Variants in MAP4K3 observed in about 807,000 individuals in gnomAD.
MAP4K3 encodes the protein mitogen-activated protein kinase kinase kinase kinase 3, also known as MAPK/ERK kinase kinase kinase 3.
A neutral mutation model predicts 143.5 loss-of-function variants in MAP4K3; 94 were observed. The observed-to-expected ratio is 0.65, with a 90% CI of 0.55 to 0.78. The LOEUF is 0.78. MAP4K3 is among the 30% of genes least tolerant of loss of function. The pLI is 0.00. For missense variants in MAP4K3, 1,077 were observed against 1,068.1 expected, an observed-to-expected ratio of 1.01 and a Z score of -0.12; for synonymous variants, 416 against 347.2, an observed-to-expected ratio of 1.20 and a Z score of -2.20.
chr2:39,399,005 T>C (rs1004155465), intron 1 of MAP4K3, among the ~76,000 whole-genome samples: 3 of 147,232 alleles, frequency 2.0e-5, no homozygotes, highest in African/African-American at 5.0e-5. Flanking sequence ...GATCATGCCA[T>C]TGCACTCCAG....
chr2:39,419,596 T>C (rs1484117887), intron 1 of MAP4K3, among the ~76,000 whole-genome samples: 1 of 152,190 alleles, frequency 6.6e-6, no homozygotes, highest in African/African-American at 2.4e-5. Context: ...TCAAACCTCA[T>C]GTGAACACAG....
intron 12 of MAP4K3, chr2:39,323,888 C>T (rs994437356): frequency 4.6e-5 from 7 of 152,062 alleles, no homozygotes; most frequent in African/African-American, 1.4e-4. Context: ...TCTACAATTA[C>T]AACTGACAGT....
At chr2:39,432,621 T>G (rs1665325220) in intron 1 of MAP4K3, among the ~76,000 whole-genome samples, 1 of 152,226 alleles carries the variant, frequency 6.6e-6, no homozygotes, top group African/African-American at 2.4e-5. Flanking sequence ...GTTTAAGAAT[T>G]GAGTTTTCCA....
chr2:39,376,033 T>C (rs1406631862), intron 2 of MAP4K3, among the ~76,000 whole-genome samples: 3 of 152,042 alleles, frequency 2.0e-5, no homozygotes, highest in East Asian at 1.9e-4. Flanking sequence ...ACTATAAACA[T>C]TTGTGCATGA....
At position 39,254,540 on chromosome 2, in the gene MAP4K3, C is replaced by G; in HGVS notation, c.2471-20G>C. On this transcript the variant is annotated intron_variant, in intron 31 of 33. Coordinates refer to ENST00000263881, the MANE Select transcript of MAP4K3 (RefSeq NM_003618.4). ...GGCACACTAGCAGGCAAGAACAGCT[C>G]AATTACTGTTAATAGTACAAAAGTT... 1 of 1,602,858 alleles carries G rather than the reference C, an allele frequency of 6.2e-7. No individual in the cohort carries two copies. The highest frequency in any genetic ancestry group is 8.5e-7 in the Non-Finnish European group (1 of 1,170,782).
intron 2 of MAP4K3, among the ~76,000 whole-genome samples, chr2:39,371,881 T>C (rs1022589932): frequency 1.1e-4 from 17 of 150,754 alleles, no homozygotes; most frequent in African/African-American, 3.4e-4. Context: ...TCTTGCTGAA[T>C]TGATCCCTTT....
intron 24 of MAP4K3, among the ~76,000 whole-genome samples, chr2:39,276,398 G>A (rs574667366): frequency 2.0e-5 from 3 of 152,182 alleles, no homozygotes; most frequent in Non-Finnish European, 2.9e-5. Flanking sequence ...CATTCAATTC[G>A]GTCAATTCTA....
chr2:39,252,953 T>G (rs1680206102), intron 32 of MAP4K3, among the ~76,000 whole-genome samples: 1 of 150,324 alleles, frequency 6.7e-6, no homozygotes, highest in Non-Finnish European at 1.5e-5. Flanking sequence ...CAGGTGACTT[T>G]TTGGGTGAAC....
intron 31 of MAP4K3, among the ~76,000 whole-genome samples, chr2:39,254,942 T>C (rs1230100215): frequency 1.3e-5 from 2 of 152,088 alleles, no homozygotes; most frequent in African/African-American, 4.8e-5. Context: ...AAAATATACG[T>C]GTATCCACCA....
chr2:39,366,663 T>C (rs1431742127), intron 2 of MAP4K3, among the ~76,000 whole-genome samples: 1 of 152,158 alleles, frequency 6.6e-6, no homozygotes, highest in African/African-American at 2.4e-5. Context: ...TGGGAGGCCT[T>C]GGAACTTTAT....
At chr2:39,395,009 T>C (rs1186403489) in intron 1 of MAP4K3, among the ~76,000 whole-genome samples, 1 of 152,122 alleles carries the variant, frequency 6.6e-6, no homozygotes, top group Non-Finnish European at 1.5e-5. Context: ...AACAAGAGAA[T>C]GATTCCACTA....
At chr2:39,263,302 T>A (rs1251875934) in intron 28 of MAP4K3, among the ~76,000 whole-genome samples, 1 of 146,494 alleles carries the variant, frequency 6.8e-6, no homozygotes, top group African/African-American at 2.5e-5. Flanking sequence ...AGACGGAGTC[T>A]CGCTCTGTGG....
chr2:39,396,018 T>A lies in MAP4K3; in HGVS notation c.97-17895A>T, dbSNP rs1457789668. The stretch of plus-strand genomic sequence containing the variant: ...AGGAAAAGGGGAAGGGAAATACAGG[T>A]TTGGTTTTTGGGGTTTTTTGTTTGT... On this transcript the variant is annotated intron_variant, in intron 1 of 33. Transcript: ENST00000263881. Among the ~76,000 whole-genome samples the A allele has an allele frequency of 5.3e-5, 8 of 151,918 alleles. 1 individual carries two copies. Among genetic ancestry groups the A allele is most frequent in the African/African-American group, 1.9e-4 (8 of 41,350 alleles).
chr2:39,330,967 A>T (rs1312306986), intron 8 of MAP4K3, among the ~76,000 whole-genome samples: 2 of 152,182 alleles, frequency 1.3e-5, no homozygotes, highest in Admixed American at 6.6e-5. Flanking sequence ...TCTGTAAATG[A>T]ATAATGCTAG....
chr2:39,356,338 T>C lies in MAP4K3; in HGVS notation c.156A>G (p.Gly52=). The C allele has an allele frequency of 1.3e-6, 2 of 1,559,068 alleles. No individual in the cohort carries two copies. The highest frequency in any genetic ancestry group is 2.3e-5 in the East Asian group (1 of 44,262). Residue 52 remains glycine (G), a splice_region_variant and synonymous_variant, in exon 3 of 34, where the codon GGA becomes GGG. Coordinates refer to ENST00000263881, the MANE Select transcript of MAP4K3 (RefSeq NM_003618.4). Reference sequence around the variant, plus strand: ...CTTGCTGCACAACTGCAAAGTCTTCTCCTGGAATAAAAAACAAGCATGTTG... The same window carrying C: ...CTTGCTGCACAACTGCAAAGTCTTCCCCTGGAATAAAAAACAAGCATGTTG... ...AAIKVIKLEP[G]EDFAVVQQEI...
chr2:39,318,360 C>G (rs927259218), intron 12 of MAP4K3, among the ~76,000 whole-genome samples: 1 of 151,896 alleles, frequency 6.6e-6, no homozygotes, highest in Non-Finnish European at 1.5e-5. Flanking sequence ...TCTACAGAAC[C>G]AACCTGCACA....
At chr2:39,352,350 C>A (rs539882439) in intron 3 of MAP4K3, among the ~76,000 whole-genome samples, 6 of 152,200 alleles carry the variant, frequency 3.9e-5, no homozygotes, top group African/African-American at 1.4e-4. Context: ...TGAGTTCAAG[C>A]TTGAGAGGAA....
At chr2:39,280,142 T>TAA in intron 23 of MAP4K3, 130 bp downstream of exon 23, 2 of 489,478 alleles carry the variant, frequency 4.1e-6, no homozygotes, top group Non-Finnish European at 7.2e-6. Context: ...TACCTTAAAA[T>TAA]AAAAAAAAAA....
intron 1 of MAP4K3, among the ~76,000 whole-genome samples, chr2:39,423,768 G>A (rs1391354345): frequency 6.6e-6 from 1 of 152,170 alleles, no homozygotes; most frequent in Non-Finnish European, 1.5e-5. Flanking sequence ...GGGCAGAGGA[G>A]AATGGAAGAT....
Sources: gnomAD v4.1 joint callset for allele counts (sites outside exome capture counted in the v4.1 genomes callset) on GRCh38, gnomAD v4.1.1 for gene constraint, MANE v1.5 for transcripts, NCBI Gene and HGNC (gene_info 2026-07-23, HGNC 2026-07-21) for gene names.